RAB22A: variants seen among roughly 807,000 people sequenced by gnomAD.
The protein encoded by RAB22A is ras-related protein Rab-22A.
RAB22A carries 13 observed loss-of-function variants against 30.2 expected under a neutral mutation model. The observed-to-expected ratio is 0.43, with a 90% CI of 0.28 to 0.68. RAB22A has a LOEUF of 0.68. Among genes scored for constraint, RAB22A ranks in the 30% least tolerant of loss-of-function variants. The pLI is 0.18. For missense variants in RAB22A, 177 were observed against 246.8 expected (o/e 0.72, Z 1.89); for synonymous variants, 89 against 87.2 (o/e 1.02, Z -0.11).
At chr20:58,354,122 G>A in intron 5 of RAB22A, 34 bp from the exon 6 acceptor site, 1 of 1,497,450 alleles carries the variant, frequency 6.7e-7, no homozygotes, top group Admixed American at 1.7e-5. Context: ...ATCTTCATGG[G>A]TAGAATTTCT....
At chr20:58,332,485 C>A (rs2073082276) in intron 2 of RAB22A, among the ~76,000 whole-genome samples, 1 of 152,208 alleles carries the variant, frequency 6.6e-6, no homozygotes, top group Admixed American at 6.5e-5. Flanking sequence ...AAATCTTGAT[C>A]TGATTCACTG....
rs368957907 is a variant in RAB22A, at chr20:58,318,052, G to A, written c.116+6930G>A. Among the ~76,000 whole-genome samples the A allele has an allele frequency of 1.4e-4, 21 of 151,186 alleles. No homozygotes were observed. The East Asian group carries it at 3.2e-3, about 23-fold the overall frequency. ...TTGCTAATTCTTTTTATTTCTTGTA[G>A]AGATGAGGTCTCACTGCATTGCCCA... On this transcript the variant is annotated intron_variant, in intron 2 of 6. Transcript: ENST00000244040.
intron 1 of RAB22A, among the ~76,000 whole-genome samples, chr20:58,310,478 AC>A (rs11476712): frequency 0.054 from 8,277 of 152,274 alleles, 266 homozygotes; most frequent in Middle Eastern, 0.1. Context: ...CCAAAGAGTT[AC>A]TTTGCCAAGT....
At chr20:58,322,604 T>C (rs1168476254) in intron 2 of RAB22A, among the ~76,000 whole-genome samples, 2 of 152,252 alleles carry the variant, frequency 1.3e-5, no homozygotes, top group African/African-American at 4.8e-5. Flanking sequence ...CCTCTTTGTT[T>C]TTATTATTTT....
rs1428367332 is a variant in RAB22A at position 58,363,596 on chromosome 20, T to C, written c.*3893T>C. The C allele has an allele frequency of 6.6e-6, 1 of 152,186 alleles. No individual in the cohort carries two copies. Among genetic ancestry groups the C allele is most frequent in the Non-Finnish European group, 1.5e-5 (1 of 68,028 alleles). 9.4% of individuals were successfully genotyped at this position (152,186 alleles called of 1,614,324 possible). ...GAAAGTTCAGTGACAAACTAGATAG[T>C]GAACCTGTGAAAGTCATTATTTACA... On this transcript the variant is annotated 3_prime_UTR_variant, in exon 7 of 7. Transcript: ENST00000244040.
chr20:58,329,166 G>T (rs1986622008), intron 2 of RAB22A, among the ~76,000 whole-genome samples: 1 of 150,772 alleles, frequency 6.6e-6, no homozygotes, highest in South Asian at 2.1e-4. Flanking sequence ...CTGTTCTCCT[G>T]CCTCAGCCTC....
chr20:58,343,729 T>G lies in RAB22A; in HGVS notation c.128T>G (p.Met43Arg). The change falls in exon 3 of 7, where the codon ATG becomes AGG. Residue 43 changes from methionine to arginine, a missense_variant. Coordinates refer to ENST00000244040, the MANE Select transcript of RAB22A (RefSeq NM_020673.3). ...NINPTIGASF[M>R]TKTVQYQNEL... is the part of the protein sequence containing the mutation. The stretch of plus-strand genomic sequence containing the variant: ...GTCTCTCTTTATAGGGCATCTTTTA[T>G]GACCAAGACTGTCCAGTACCAAAAT... The G allele has an allele frequency of 6.2e-7, 1 of 1,609,308 alleles. No individual in the cohort carries two copies. The highest frequency in any genetic ancestry group is 8.5e-7 in the Non-Finnish European group (1 of 1,175,672).
chr20:58,328,773 T>C (rs1986611264), intron 2 of RAB22A, among the ~76,000 whole-genome samples: 1 of 151,860 alleles, frequency 6.6e-6, no homozygotes, highest in South Asian at 2.1e-4. Context: ...CCTTCCATAC[T>C]CAAGAATACC....
chr20:58,344,912 A>G (rs987252637), intron 3 of RAB22A, among the ~76,000 whole-genome samples: 3 of 152,142 alleles, frequency 2.0e-5, no homozygotes, highest in Non-Finnish European at 2.9e-5. Flanking sequence ...TTACTCATCT[A>G]AGATATTCTG....
chr20:58,352,709 T>A (rs896467820), intron 3 of RAB22A, among the ~76,000 whole-genome samples: 3 of 152,194 alleles, frequency 2.0e-5, no homozygotes, highest in African/African-American at 7.2e-5. Flanking sequence ...CAGGGTTAAA[T>A]TGATGTAAAT....
chr20:58,358,629 T>G (rs1174756457), intron 6 of RAB22A, among the ~76,000 whole-genome samples: 1 of 152,216 alleles, frequency 6.6e-6, no homozygotes, highest in Non-Finnish European at 1.5e-5. Flanking sequence ...GCACAGTGGC[T>G]CACATCAGTA....
chr20:58,323,794 C>T (rs553822161), intron 2 of RAB22A, among the ~76,000 whole-genome samples: 1 of 151,630 alleles, frequency 6.6e-6, no homozygotes, highest in African/African-American at 2.4e-5. Context: ...ATTTTGTTTG[C>T]TGGGATCTTT....
In RAB22A at chr20:58,319,388, G is replaced by C. The variant is rs117071793; in HGVS notation, c.116+8266G>C. ...ATATATGTGTATGGGTGTATTTCTG[G>C]ATTTCCTTTTCTGTCCCATTGGTCT... On this transcript the variant is annotated intron_variant, in intron 2 of 6. Coordinates refer to ENST00000244040, the MANE Select transcript of RAB22A (RefSeq NM_020673.3). Among the ~76,000 whole-genome samples the C allele has an allele frequency of 2.2e-3, 332 of 152,248 alleles. 3 individuals carry two copies. The highest frequency in any genetic ancestry group is 4.2e-3 in the Non-Finnish European group (284 of 68,010).
At chr20:58,358,752 G>A (rs577940530) in intron 6 of RAB22A, among the ~76,000 whole-genome samples, 13 of 152,018 alleles carry the variant, frequency 8.6e-5, no homozygotes, top group South Asian at 2.1e-4. Flanking sequence ...AAAATTAGCC[G>A]GGCGTGGCGG....
At chr20:58,354,355 G>A (rs1987100897) in intron 6 of RAB22A, 90 bp downstream of exon 6, 17 of 855,268 alleles carry the variant, frequency 2.0e-5, no homozygotes, top group South Asian at 1.0e-4. Flanking sequence ...CTTACTTAGA[G>A]CAGTCTAGTC....
At chr20:58,348,337 TC>T (rs1366192495) in intron 3 of RAB22A, among the ~76,000 whole-genome samples, 1 of 152,212 alleles carries the variant, frequency 6.6e-6, no homozygotes, top group African/African-American at 2.4e-5. Context: ...TTTACAGAGA[TC>T]AGAACACTAG....
At chr20:58,325,952 A>G (rs1373878298) in intron 2 of RAB22A, among the ~76,000 whole-genome samples, 1 of 152,204 alleles carries the variant, frequency 6.6e-6, no homozygotes, top group East Asian at 1.9e-4. Flanking sequence ...ATCTGTCACT[A>G]TGGTTGTAAA....
Position 58,366,305 on chromosome 20 carries a change from A to G in RAB22A, c.*6602A>G, listed in dbSNP as rs1032496675. 6.6e-6 allele frequency: 1 copy of G among 152,180 alleles called. No homozygotes were observed. The allele number at this position is 152,180 out of a possible 1,614,324, so 9.4% of individuals were successfully genotyped here. A position where few individuals can be genotyped will look rare whatever the true frequency, so the allele number is the denominator to read the frequency against. Reference sequence around the variant, plus strand: ...CCCTCCAGCTGGGGCTTTTCTAACAAGCACAGTCAGAAATGCGCAGGCCTG... The same window carrying G: ...CCCTCCAGCTGGGGCTTTTCTAACAGGCACAGTCAGAAATGCGCAGGCCTG... On this transcript the variant is annotated 3_prime_UTR_variant, in exon 7 of 7. Coordinates refer to ENST00000244040, the MANE Select transcript of RAB22A (RefSeq NM_020673.3).
chr20:58,323,625 CTTTT>C (rs564661032), intron 2 of RAB22A, among the ~76,000 whole-genome samples: 1 of 136,658 alleles, frequency 7.3e-6, no homozygotes. Context: ...TTTTTTTTTT[CTTTT>C]TTTTTCTTTT....
Sources: allele counts gnomAD v4.1 joint callset (sites outside exome capture counted in the v4.1 genomes callset), GRCh38; gene constraint gnomAD v4.1.1; transcripts MANE v1.5; gene names NCBI Gene and HGNC (gene_info 2026-07-23, HGNC 2026-07-21).